Variants in CEP120 observed in about 807,000 individuals in gnomAD.
The protein encoded by CEP120 is centrosomal protein of 120 kDa.
In CEP120, 113 loss-of-function variants were observed where a neutral mutation model predicts 126.5. The ratio of observed to expected loss-of-function variants is 0.89; its 90% CI spans 0.77 to 1.04. CEP120 has a LOEUF of 1.04. Ranked by LOEUF, CEP120 falls within the 50% of genes least tolerant of loss-of-function variation. CEP120 has a pLI of 0.00. For synonymous variants in CEP120, 400 were observed against 394.3 expected, an observed-to-expected ratio of 1.01 and a Z score of -0.17; for missense variants, 1,230 against 1,155.7, an observed-to-expected ratio of 1.06 and a Z score of -0.93.
intron 13 of CEP120, 93 bp downstream of exon 13, chr5:123,382,644 C>T: frequency 1.7e-6 from 2 of 1,185,644 alleles, no homozygotes; most frequent in Non-Finnish European, 2.3e-6. Context: ...GATAAGGTAC[C>T]TACAGAACAT....
chr5:123,394,853 T>A (rs1772659677), intron 5 of CEP120, among the ~76,000 whole-genome samples: 3 of 152,192 alleles, frequency 2.0e-5, no homozygotes, highest in African/African-American at 7.2e-5. Flanking sequence ...AAACCCTAAC[T>A]CTAGTTCCAT....
Position 123,382,043 on chromosome 5 carries a change from T to C in CEP120, c.2103+68A>G, listed in dbSNP as rs1771682006. Reference sequence around the variant, plus strand: ...AGTTATTCCTTCCAGAGACTGTCTTTAACGCAAATACAAGATATTATCATT... The same window carrying C: ...AGTTATTCCTTCCAGAGACTGTCTTCAACGCAAATACAAGATATTATCATT... On this transcript the variant is annotated intron_variant, in intron 14 of 19. Coordinates refer to ENST00000306467, the MANE Select transcript of CEP120 (RefSeq NM_001375405.1). 7 of 1,113,584 alleles carry C rather than the reference T, an allele frequency of 6.3e-6. No homozygotes were observed. The East Asian group carries it at 1.7e-4, about 27-fold the overall frequency. 69.0% of individuals were successfully genotyped at this position (1,113,584 alleles called of 1,614,324 possible). A position where few individuals can be genotyped will look rare whatever the true frequency, so the allele number is the denominator to read the frequency against.
intron 4 of CEP120, among the ~76,000 whole-genome samples, chr5:123,409,294 A>C (rs1773885916): frequency 6.6e-6 from 1 of 152,208 alleles, no homozygotes; most frequent in Non-Finnish European, 1.5e-5. Flanking sequence ...CTTAATAAAG[A>C]ATATATAAAA....
intron 4 of CEP120, among the ~76,000 whole-genome samples, chr5:123,410,588 G>GA (rs1773992831): frequency 6.6e-6 from 1 of 152,218 alleles, no homozygotes; most frequent in Non-Finnish European, 1.5e-5. Flanking sequence ...ATGGAGCAAA[G>GA]AAAGTCTTTT....
intron 18 of CEP120, among the ~76,000 whole-genome samples, chr5:123,360,673 A>C (rs890928): frequency 0.31 from 47,539 of 151,290 alleles, 8,130 homozygotes; most frequent in African/African-American, 0.43. Flanking sequence ...AGGAAATACA[A>C]AAGAAGAAGG....
chr5:123,401,284 C>CA (rs1184180255), intron 4 of CEP120: 6 of 1,608,486 alleles, frequency 3.7e-6, no homozygotes, highest in Non-Finnish European at 5.1e-6. Context: ...TCCAGCTCGA[C>CA]AACTTGGCGT....
At chr5:123,420,893 T>C (rs866161357) in intron 1 of CEP120, among the ~76,000 whole-genome samples, 1 of 152,180 alleles carries the variant, frequency 6.6e-6, no homozygotes, top group Non-Finnish European at 1.5e-5. Flanking sequence ...GGAGAGTGAA[T>C]CCAGGCTGAG....
intron 9 of CEP120, among the ~76,000 whole-genome samples, chr5:123,387,065 G>A (rs183634554): frequency 1.3e-5 from 2 of 152,050 alleles, no homozygotes; most frequent in South Asian, 2.1e-4. Context: ...CAAACAATTC[G>A]AATGTATTAT....
intron 3 of CEP120, among the ~76,000 whole-genome samples, chr5:123,413,006 C>A (rs991544871): frequency 6.6e-6 from 1 of 152,136 alleles, no homozygotes; most frequent in Non-Finnish European, 1.5e-5. Context: ...GTGGCTCATG[C>A]CTGTAATCCC....
In CEP120 at chr5:123,391,124, C is replaced by T. The variant is rs1201818003; in HGVS notation, c.1024G>A (p.Gly342Ser). ...CCACTACTTGCCTGGGAGTCTATGC[C>T]TTCTCTCTGCAGAGCCACAGACACT... ...VGVSVALQRE[G>S]IDSQSLIELK... The change falls in exon 7 of 20, where the codon GGC (glycine) becomes AGC (serine). Residue 342 changes from glycine (G) to serine (S), a missense_variant. Physicochemically the swap from Gly to Ser is moderately conservative, Grantham distance 56. Transcript: ENST00000306467. 1 of 1,613,536 alleles carries T rather than the reference C, an allele frequency of 6.2e-7. No individual in the cohort carries two copies. The highest frequency in any genetic ancestry group is 8.5e-7 in the Non-Finnish European group (1 of 1,179,646).
At chr5:123,400,659 C>CTTT (rs34109692) in intron 4 of CEP120, among the ~76,000 whole-genome samples, 5 of 88,976 alleles carry the variant, frequency 5.6e-5, no homozygotes, top group African/African-American at 9.2e-5. Context: ...ATATATATGG[C>CTTT]TTTTTTTTTT....
chr5:123,385,197 A>C, intron 10 of CEP120, 64 bp from the exon 11 acceptor site: 1 of 1,287,254 alleles, frequency 7.8e-7, no homozygotes, highest in Non-Finnish European at 1.1e-6. Context: ...TTCTGAACTA[A>C]ATTCTTTGAA....
At position 123,373,010 on chromosome 5, in the gene CEP120, G is replaced by A. The variant is rs191533784; in HGVS notation, c.2359-238C>T. Among the ~76,000 whole-genome samples the A allele has an allele frequency of 1.7e-3, 262 of 152,176 alleles. 2 individuals carry two copies. Among genetic ancestry groups the A allele is most frequent in the Non-Finnish European group, 5.4e-4 (37 of 67,974 alleles). On this transcript the variant is annotated intron_variant, in intron 16 of 19. Coordinates refer to ENST00000306467, the MANE Select transcript of CEP120 (RefSeq NM_001375405.1). ...AAATTTCTTATCAAACTGGTATCAT[G>A]AAAATGTTTTTGGTAAAACTCAAAT... is the stretch of plus-strand genomic sequence containing the variant.
intron 18 of CEP120, among the ~76,000 whole-genome samples, chr5:123,362,047 G>A (rs1770117608): frequency 6.6e-6 from 1 of 151,586 alleles, no homozygotes; most frequent in Non-Finnish European, 1.5e-5. Context: ...TATTTATGCT[G>A]CTTCTGATGG....
At chr5:123,366,321 T>G (rs1259747680) in intron 17 of CEP120, among the ~76,000 whole-genome samples, 1 of 151,490 alleles carries the variant, frequency 6.6e-6, no homozygotes, top group East Asian at 1.9e-4. Context: ...CTGGAAACCT[T>G]TGTACTTATA....
intron 1 of CEP120, among the ~76,000 whole-genome samples, chr5:123,419,882 G>T (rs1471728270): frequency 6.6e-6 from 1 of 152,178 alleles, no homozygotes; most frequent in East Asian, 1.9e-4. Flanking sequence ...GAAGCACTAA[G>T]AATCTTGCAC....
intron 9 of CEP120, among the ~76,000 whole-genome samples, chr5:123,387,465 A>C (rs1332184365): frequency 6.6e-6 from 1 of 152,156 alleles, no homozygotes; most frequent in Non-Finnish European, 1.5e-5. Flanking sequence ...TGCAGATAAG[A>C]AACTTTTCAA....
At chr5:123,399,419 T>C in intron 4 of CEP120, 135 bp from the exon 5 acceptor site, 2 of 768,088 alleles carry the variant, frequency 2.6e-6, no homozygotes, top group African/African-American at 1.7e-5. Flanking sequence ...AGGTTTCCTT[T>C]ACTCTCTTAC....
intron 3 of CEP120, among the ~76,000 whole-genome samples, chr5:123,414,595 T>C (rs376406090): frequency 6.6e-6 from 1 of 152,182 alleles, no homozygotes; most frequent in Non-Finnish European, 1.5e-5. Flanking sequence ...AAGAAAATTA[T>C]GACCCAAGAC....
Sources: gnomAD v4.1 joint callset for allele counts (sites outside exome capture counted in the v4.1 genomes callset) on GRCh38, gnomAD v4.1.1 for gene constraint, MANE v1.5 for transcripts, NCBI Gene and HGNC (gene_info 2026-07-23, HGNC 2026-07-21) for gene names.